The following ENOX1 variants were observed in gnomAD, a reference collection of about 807,000 sequenced individuals.
ENOX1 encodes the protein candidate growth-related and time keeping constitutive hydroquinone (NADH) oxidase.
In ENOX1, 42 loss-of-function variants were observed where a neutral mutation model predicts 82.5. The observed-to-expected ratio is 0.51, with a 90% CI of 0.40 to 0.66. The LOEUF is 0.66. Ranked by LOEUF, ENOX1 falls within the 30% of genes least tolerant of loss-of-function variation. ENOX1 has a pLI of 0.00. For synonymous variants in ENOX1, 271 were observed against 282.2 expected, an observed-to-expected ratio of 0.96 and a Z score of 0.40; for missense variants, 608 against 811.6, an observed-to-expected ratio of 0.75 and a Z score of 3.05.
intron 2 of ENOX1, among the ~76,000 whole-genome samples, chr13:43,574,462 T>C (rs1372968514): frequency 6.6e-6 from 1 of 152,196 alleles, no homozygotes; most frequent in African/African-American, 2.4e-5. Flanking sequence ...TGACCTTCAT[T>C]GTACAATACA....
intron 1 of ENOX1, among the ~76,000 whole-genome samples, chr13:43,688,737 T>A (rs1456729838): frequency 2.0e-5 from 3 of 151,078 alleles, no homozygotes; most frequent in African/African-American, 7.4e-5. Context: ...GGGCTACTAT[T>A]TGCAGAGAAA....
chr13:43,764,142 G>T (rs1162666730), intron 1 of ENOX1, among the ~76,000 whole-genome samples: 3 of 152,210 alleles, frequency 2.0e-5, no homozygotes, highest in African/African-American at 7.2e-5. Context: ...GGTCAGTGAA[G>T]ATTTAAACAG....
chr13:43,667,360 C>G (rs753911284), intron 2 of ENOX1, 119 bp downstream of exon 2: 14 of 680,632 alleles, frequency 2.1e-5, no homozygotes, highest in Non-Finnish European at 2.5e-5. Flanking sequence ...CTCTGAACCC[C>G]AGATATAACT....
intron 1 of ENOX1, among the ~76,000 whole-genome samples, chr13:43,687,959 A>C (rs2086162111): frequency 6.6e-6 from 1 of 152,108 alleles, no homozygotes; most frequent in Non-Finnish European, 1.5e-5. Context: ...GGGGAGGAGG[A>C]GACCCAGAAA....
chr13:43,387,456 G>C (rs1416030924), intron 5 of ENOX1, among the ~76,000 whole-genome samples: 27 of 152,174 alleles, frequency 1.8e-4, no homozygotes, highest in Admixed American at 1.8e-3. Context: ...AAGGAGGCCA[G>C]TGTGGACAGA....
intron 15 of ENOX1, among the ~76,000 whole-genome samples, chr13:43,233,297 G>A (rs1459713869): frequency 6.6e-6 from 1 of 152,120 alleles, no homozygotes; most frequent in Non-Finnish European, 1.5e-5. Flanking sequence ...TTTTCCAGGG[G>A]CCTGTCTTCT....
intron 12 of ENOX1, among the ~76,000 whole-genome samples, chr13:43,275,245 GAAC>G (rs1157836703): frequency 2.6e-5 from 4 of 152,132 alleles, no homozygotes; most frequent in Admixed American, 2.6e-4. Flanking sequence ...GTCCCTTTAA[GAAC>G]AACAACCCCT....
At chr13:43,318,459 T>A (rs776417943) in intron 11 of ENOX1, among the ~76,000 whole-genome samples, 3 of 152,224 alleles carry the variant, frequency 2.0e-5, no homozygotes, top group Non-Finnish European at 4.4e-5. Flanking sequence ...ATGTAGATAA[T>A]CAAAACAGTG....
intron 14 of ENOX1, 64 bp from the exon 15 acceptor site, chr13:43,236,802 A>C (rs2042574756): frequency 1.2e-6 from 1 of 847,094 alleles, no homozygotes; most frequent in Admixed American, 3.2e-5. Flanking sequence ...GTCAATAAAA[A>C]ACACCAGATC....
intron 1 of ENOX1, among the ~76,000 whole-genome samples, chr13:43,776,525 G>C (rs762796002): frequency 2.0e-5 from 3 of 152,150 alleles, no homozygotes; most frequent in Non-Finnish European, 2.9e-5. Flanking sequence ...AGGAACTGGG[G>C]AATGTCTAAT....
chr13:43,269,021 G>C (rs1316508814), intron 13 of ENOX1, among the ~76,000 whole-genome samples: 1 of 152,146 alleles, frequency 6.6e-6, no homozygotes, highest in Non-Finnish European at 1.5e-5. Flanking sequence ...TGCTCACCAT[G>C]GTTAGATAAG....
intron 2 of ENOX1, among the ~76,000 whole-genome samples, chr13:43,628,535 G>C (rs768035822): frequency 4.6e-5 from 7 of 152,104 alleles, no homozygotes; most frequent in Non-Finnish European, 8.8e-5. Context: ...GTAATTGCTA[G>C]TTTAAGCATT....
intron 3 of ENOX1, among the ~76,000 whole-genome samples, chr13:43,476,365 A>C (rs2058285127): frequency 6.6e-6 from 1 of 152,136 alleles, no homozygotes; most frequent in Admixed American, 6.6e-5. Context: ...CTTTAACAAC[A>C]TACTAAACTT....
intron 11 of ENOX1, among the ~76,000 whole-genome samples, chr13:43,314,741 A>T (rs1167263405): frequency 6.6e-6 from 1 of 152,194 alleles, no homozygotes. Flanking sequence ...AAATCAATAG[A>T]TACTATTTTT....
chr13:43,553,817 C>T (rs1407548614), intron 2 of ENOX1, among the ~76,000 whole-genome samples: 2 of 152,090 alleles, frequency 1.3e-5, no homozygotes, highest in African/African-American at 4.8e-5. Flanking sequence ...GCGCGATCTC[C>T]GCTTACTGCA....
chr13:43,493,513 T>C (rs1441901360), intron 2 of ENOX1, among the ~76,000 whole-genome samples: 1 of 152,254 alleles, frequency 6.6e-6, no homozygotes, highest in Non-Finnish European at 1.5e-5. Flanking sequence ...AAGGCCATCC[T>C]GGCTCCCAGA....
intron 3 of ENOX1, among the ~76,000 whole-genome samples, chr13:43,450,567 A>C (rs7320473): frequency 0.41 from 62,280 of 151,934 alleles, 13,584 homozygotes; most frequent in Non-Finnish European, 0.5. Context: ...GTTTCCATGG[A>C]AAGAACAGGC....
chr13:43,368,185 G>C (rs1285005048), intron 5 of ENOX1, among the ~76,000 whole-genome samples: 1 of 152,206 alleles, frequency 6.6e-6, no homozygotes, highest in African/African-American at 2.4e-5. Flanking sequence ...TGTGTATCCA[G>C]AGTGAGTTCC....
intron 14 of ENOX1, among the ~76,000 whole-genome samples, chr13:43,241,840 A>C (rs2042849958): frequency 6.6e-6 from 1 of 152,210 alleles, no homozygotes; most frequent in Non-Finnish European, 1.5e-5. Context: ...TGATCAAAGT[A>C]ATTTATCATT....
Sources: allele counts gnomAD v4.1 joint callset (sites outside exome capture counted in the v4.1 genomes callset), GRCh38; gene constraint gnomAD v4.1.1; transcripts MANE v1.5; gene names NCBI Gene and HGNC (gene_info 2026-07-23, HGNC 2026-07-21).